KCNG4: variants seen among roughly 807,000 people sequenced by gnomAD.
The protein encoded by KCNG4 is potassium voltage-gated channel modifier subfamily G member 4, also known as voltage-gated potassium channel regulatory subunit KCNG4.
Under a neutral mutation model 28.2 loss-of-function variants are expected in KCNG4, and 30 were observed. The ratio of observed to expected loss-of-function variants is 1.06; its 90% CI spans 0.80 to 1.44. The LOEUF is 1.44. Ranked by LOEUF, KCNG4 falls within the 40% of genes most tolerant of loss-of-function variation. The pLI, the probability that KCNG4 is intolerant of heterozygous loss-of-function variation, is 0.00. For missense variants in KCNG4, 879 were observed against 712.3 expected, an observed-to-expected ratio of 1.23 and a Z score of -2.66; for synonymous variants, 375 against 315.5, an observed-to-expected ratio of 1.19 and a Z score of -2.00.
intron 2 of KCNG4, among the ~76,000 whole-genome samples, chr16:84,233,303 C>T (rs987966559): frequency 9.9e-5 from 15 of 152,278 alleles, no homozygotes; most frequent in African/African-American, 2.2e-4. Context: ...ATCTGGCCTT[C>T]GCACCATCAT....
Position 84,220,573 on chromosome 16 carries a change from T to A in KCNG4, c.*1644A>T, listed in dbSNP as rs919050681. ...TTACCAGTGGTAAAATGCTGACCAC[T>A]CTCATACGTACACGATATCAGATTG... On this transcript the variant is annotated 3_prime_UTR_variant, in exon 3 of 3. Coordinates refer to ENST00000308251, the MANE Select transcript of KCNG4 (RefSeq NM_172347.3). 6.6e-6 allele frequency: 1 copy of A among 152,240 alleles called. No homozygotes were observed. The highest frequency in any genetic ancestry group is 1.5e-5 in the Non-Finnish European group (1 of 68,052). 9.4% of individuals were successfully genotyped at this position (152,240 alleles called of 1,614,324 possible).
In KCNG4 at chr16:84,222,265, G is replaced by A. The variant is rs1904582349; in HGVS notation, c.1512C>T (p.Val504=). 1 of 1,614,068 alleles carries A rather than the reference G, an allele frequency of 6.2e-7. No individual in the cohort carries two copies. Residue 504 remains valine (V), a synonymous_variant, in exon 3 of 3, where the codon GTC becomes GTT. Transcript: ENST00000308251. ...CTGGGCCCTCCAGGATTAGGTCATT[G>A]ACATCGTTCATGAGCTCATGTTCAC... ...VASEHELMND[V]NDLILEGPAL...
rs1904574921 is a variant in KCNG4, at chr16:84,222,057, A to T, written c.*160T>A. ...GACATCGGGGCCCCGAGGGACAAGGATCACAGACACACAGCCTCTGTGGCC... is the reference window on the plus strand; with the variant it reads ...GACATCGGGGCCCCGAGGGACAAGGTTCACAGACACACAGCCTCTGTGGCC... On this transcript the variant is annotated 3_prime_UTR_variant, in exon 3 of 3. Transcript: ENST00000308251. 1.8e-5 allele frequency: 15 copies of T among 817,574 alleles called. No homozygotes were observed. In the South Asian group the frequency reaches 2.5e-4, roughly 14 times the overall value. 50.6% of individuals were successfully genotyped at this position (817,574 alleles called of 1,614,324 possible). A position where few individuals can be genotyped will look rare whatever the true frequency, so the allele number is the denominator to read the frequency against.
At chr16:84,234,855 C>T (rs1904909650) in intron 2 of KCNG4, among the ~76,000 whole-genome samples, 1 of 152,146 alleles carries the variant, frequency 6.6e-6, no homozygotes, top group South Asian at 2.1e-4. Context: ...GTAAGGTCAC[C>T]GTCTTGGGAG....
At chr16:84,231,050 C>T (rs1202535619) in intron 2 of KCNG4, among the ~76,000 whole-genome samples, 2 of 152,178 alleles carry the variant, frequency 1.3e-5, no homozygotes, top group African/African-American at 4.8e-5. Context: ...TGGAGGGAGC[C>T]AGGGATGGAG....
chr16:84,223,171 G>C (rs570371690), intron 2 of KCNG4, 151 bp from the exon 3 acceptor site: 6 of 659,530 alleles, frequency 9.1e-6, no homozygotes, highest in Non-Finnish European at 1.5e-5. Context: ...TTGTGGCTGG[G>C]TACACAGCAG....
chr16:84,236,913 G>A lies in KCNG4; in HGVS notation c.573C>T (p.Arg191=), dbSNP rs200743753. 2.5e-6 allele frequency: 4 copies of A among 1,613,490 alleles called. No homozygotes were observed. Among genetic ancestry groups the A allele is most frequent in the Non-Finnish European group, 2.5e-6 (3 of 1,180,014 alleles). Residue 191 remains arginine (R), a synonymous_variant, in exon 2 of 3, where the codon CGC becomes CGT. Coordinates refer to ENST00000308251, the MANE Select transcript of KCNG4 (RefSeq NM_172347.3). The part of the protein sequence containing the change: ...EDVLRQQRET[R]RPASHSSRWG... ...AGCGCGAGGAGTGCGAGGCGGGGCG[G>A]CGGGTCTCCCTCTGCTGCCTCAGTA...
intron 2 of KCNG4, among the ~76,000 whole-genome samples, chr16:84,224,403 T>TACACACAC (rs58296563): frequency 0.097 from 5,704 of 58,540 alleles, 120 homozygotes; most frequent in Middle Eastern, 0.13. Context: ...TATACATATT[T>TACACACAC]ACACACACAC....
In KCNG4 at chr16:84,236,813, A is replaced by G; in HGVS notation, c.673T>C (p.Cys225Arg). 2 of 1,613,800 alleles carry G rather than the reference A, an allele frequency of 1.2e-6. No individual in the cohort carries two copies. Among genetic ancestry groups the G allele is most frequent in the Non-Finnish European group, 1.7e-6 (2 of 1,180,044 alleles). Residue 225 changes from cysteine (C) to arginine (R), a missense_variant, in exon 2 of 3, where the codon TGC becomes CGC. Transcript: ENST00000308251. ...GTGGCCACGAAGAGGATGGAGAGGC[A>G]AGCGAAGACCTTCCCGGGCAGCCCG... ...QSGLPGKVFACLSILFVATTA... is the reference protein window; with the variant it reads ...QSGLPGKVFARLSILFVATTA...
rs970499562 is a variant in KCNG4, at chr16:84,239,902, T to C, written c.-273A>G. ...CTCTCCAGCAGCTGCAGGAGAGCCC[T>C]GGGGGATTGAGGTGGGATTTTTTTT... On this transcript the variant is annotated 5_prime_UTR_variant, in exon 1 of 3. Transcript: ENST00000308251. Among the ~76,000 whole-genome samples the C allele has an allele frequency of 3.0e-5, 4 of 134,450 alleles. No individual in the cohort carries two copies. The highest frequency in any genetic ancestry group is 1.1e-4 in the African/African-American group (4 of 35,378). 88.2% of individuals were successfully genotyped at this position (134,450 alleles called of 152,430 possible).
At chr16:84,237,826 C>T (rs556148706) in intron 1 of KCNG4, among the ~76,000 whole-genome samples, 5 of 152,270 alleles carry the variant, frequency 3.3e-5, no homozygotes, top group East Asian at 1.9e-4. Context: ...CTGGACAAGT[C>T]GGAGCGGTGC....
intron 2 of KCNG4, among the ~76,000 whole-genome samples, chr16:84,224,895 T>C (rs55968394): frequency 0.25 from 37,478 of 152,120 alleles, 4,886 homozygotes; most frequent in African/African-American, 0.31. Flanking sequence ...AAACCATGTC[T>C]GCTTGTCTAG....
intron 2 of KCNG4, among the ~76,000 whole-genome samples, chr16:84,225,157 C>A (rs541271119): frequency 2.0e-5 from 3 of 152,074 alleles, no homozygotes; most frequent in African/African-American, 7.2e-5. Flanking sequence ...GTAGCAATAC[C>A]TTCTTCCTGT....
At chr16:84,230,604 C>T (rs1167664782) in intron 2 of KCNG4, among the ~76,000 whole-genome samples, 1 of 152,100 alleles carries the variant, frequency 6.6e-6, no homozygotes, top group East Asian at 1.9e-4. Flanking sequence ...TCTCTCTGTG[C>T]CTTCCTTCCC....
intron 1 of KCNG4, among the ~76,000 whole-genome samples, chr16:84,237,967 T>G (rs1905015769): frequency 6.6e-6 from 1 of 152,134 alleles, no homozygotes; most frequent in African/African-American, 2.4e-5. Flanking sequence ...GAATGTAGGC[T>G]CTCAGGTTCA....
chr16:84,236,959 G>T lies in KCNG4; in HGVS notation c.527C>A (p.Ala176Asp), dbSNP rs201194791. ...CAGTACGTCCTCCCTGTGCAGCTTG[G>T]CCAGCTCCTCCAGCTCCTCCAGCTT... Reference protein sequence around the residue: ...LRKLEELEELAKLHREDVLRQ... With the variant: ...LRKLEELEELDKLHREDVLRQ... Residue 176 changes from alanine to aspartate, a missense_variant, in exon 2 of 3, where the codon GCC (alanine) becomes GAC (aspartate). By Grantham distance (126) the Ala-to-Asp change is moderately radical. Transcript: ENST00000308251. The T allele has an allele frequency of 3.7e-6, 6 of 1,613,574 alleles. No individual in the cohort carries two copies. In the Admixed American group the frequency reaches 6.7e-5, roughly 18 times the overall value.
intron 1 of KCNG4, among the ~76,000 whole-genome samples, chr16:84,239,010 C>T (rs1203705847): frequency 6.6e-6 from 1 of 152,182 alleles, no homozygotes; most frequent in Non-Finnish European, 1.5e-5. Context: ...TATTTCTCAC[C>T]TTCAGATCCT....
Position 84,238,787 on chromosome 16 carries a change from G to A in KCNG4, c.-41+883C>T, listed in dbSNP as rs1253026798. Among the ~76,000 whole-genome samples, 5 of 152,124 alleles carry A rather than the reference G, an allele frequency of 3.3e-5. No homozygotes were observed. In the South Asian group the frequency reaches 6.2e-4, roughly 19 times the overall value. Reference sequence around the variant, plus strand: ...GGAGGCTGAGGCAGGAGAATCGCTTGAACCCGGGAGGCGGAGGCTGCAGTA... The same window carrying A: ...GGAGGCTGAGGCAGGAGAATCGCTTAAACCCGGGAGGCGGAGGCTGCAGTA... On this transcript the variant is annotated intron_variant, in intron 1 of 2. Coordinates refer to ENST00000308251, the MANE Select transcript of KCNG4 (RefSeq NM_172347.3).
intron 1 of KCNG4, 145 bp from the exon 2 acceptor site, chr16:84,237,670 A>C: frequency 4.0e-6 from 2 of 497,334 alleles, no homozygotes; most frequent in Non-Finnish European, 6.6e-6. Flanking sequence ...CCTTTAGTTC[A>C]ACACATATTT....
Sources: gnomAD v4.1 joint callset for allele counts (sites outside exome capture counted in the v4.1 genomes callset) on GRCh38, gnomAD v4.1.1 for gene constraint, MANE v1.5 for transcripts, NCBI Gene and HGNC (gene_info 2026-07-23, HGNC 2026-07-21) for gene names.